The following DNAI1 variants were observed in gnomAD, a reference collection of about 807,000 sequenced individuals.
DNAI1 encodes dynein, axonemal, intermediate polypeptide 1.
In DNAI1, 67 loss-of-function variants were observed where a neutral mutation model predicts 92.0. The ratio of observed to expected loss-of-function variants is 0.73; its 90% CI spans 0.60 to 0.89. The LOEUF (loss-of-function observed/expected upper bound fraction) is 0.89, where lower values mean the gene tolerates loss of function less well. Ranked by LOEUF, DNAI1 falls within the 40% of genes least tolerant of loss-of-function variation. The pLI, the probability that DNAI1 is intolerant of heterozygous loss-of-function variation, is 0.00. For missense variants in DNAI1, 839 were observed against 866.6 expected, an observed-to-expected ratio of 0.97 and a Z score of 0.40; for synonymous variants, 323 against 319.6, an observed-to-expected ratio of 1.01 and a Z score of -0.11.
intron 4 of DNAI1, among the ~76,000 whole-genome samples, chr9:34,486,850 C>T (rs572401200): frequency 1.4e-4 from 21 of 152,218 alleles, no homozygotes; most frequent in Non-Finnish European, 2.5e-4. Flanking sequence ...CTATTCTGGA[C>T]GTTTCATATA....
chr9:34,501,987 A>G (rs377107501), intron 12 of DNAI1, among the ~76,000 whole-genome samples: 1 of 152,162 alleles, frequency 6.6e-6, no homozygotes, highest in East Asian at 1.9e-4. Flanking sequence ...AGAGGGCCCT[A>G]CACTTCACAG....
intron 1 of DNAI1, among the ~76,000 whole-genome samples, chr9:34,460,485 T>A (rs1823930844): frequency 6.6e-6 from 1 of 152,180 alleles, no homozygotes; most frequent in Non-Finnish European, 1.5e-5. Context: ...TACCTGGGCT[T>A]CTGTAGCAGA....
At chr9:34,467,660 G>GTA (rs148722582) in intron 1 of DNAI1, among the ~76,000 whole-genome samples, 25,062 of 151,740 alleles carry the variant, frequency 0.17, 2,529 homozygotes, top group East Asian at 0.37. Context: ...ATAAAATGCA[G>GTA]TATATATATA....
intron 1 of DNAI1, among the ~76,000 whole-genome samples, chr9:34,462,188 T>C (rs2132037760): frequency 1.3e-5 from 2 of 152,362 alleles, no homozygotes; most frequent in South Asian, 4.1e-4. Context: ...CTACCCATCC[T>C]ACTTCAAACC....
At chr9:34,459,118 A>T (rs1171372282) in intron 1 of DNAI1, 65 bp downstream of exon 1, 1 of 1,415,922 alleles carries the variant, frequency 7.1e-7, no homozygotes, top group African/African-American at 1.4e-5. Flanking sequence ...ACCACTAATC[A>T]TACCTCTCCT....
At chr9:34,459,107 G>A in intron 1 of DNAI1, 54 bp downstream of exon 1, 1 of 1,507,882 alleles carries the variant, frequency 6.6e-7, no homozygotes. Flanking sequence ...CGTCGCCAGT[G>A]ACCACTAATC....
chr9:34,501,370 ATG>A (rs1182946139), intron 12 of DNAI1, among the ~76,000 whole-genome samples, 189 bp downstream of exon 12: 2 of 152,262 alleles, frequency 1.3e-5, no homozygotes, highest in Non-Finnish European at 2.9e-5. Flanking sequence ...TCTAAGCTGA[ATG>A]TGTCAATGGA....
chr9:34,495,858 G>A (rs555244844), intron 9 of DNAI1, among the ~76,000 whole-genome samples: 40 of 152,274 alleles, frequency 2.6e-4, no homozygotes, highest in African/African-American at 6.3e-4. Flanking sequence ...AATAGAGAGC[G>A]TAGCTGGAAC....
intron 1 of DNAI1, among the ~76,000 whole-genome samples, chr9:34,477,298 T>G (rs1824257260): frequency 6.6e-6 from 1 of 152,202 alleles, no homozygotes; most frequent in Non-Finnish European, 1.5e-5. Flanking sequence ...TTTAGGAAGA[T>G]CATTTGTAGA....
At chr9:34,501,209 GCT>G in intron 12 of DNAI1, 28 bp downstream of exon 12, 3 of 1,588,714 alleles carry the variant, frequency 1.9e-6, no homozygotes, top group South Asian at 1.1e-5. Flanking sequence ...TCATTTATTT[GCT>G]CATGTAAACA....
chr9:34,511,714 A>G (rs748952515), intron 13 of DNAI1, among the ~76,000 whole-genome samples: 33 of 152,318 alleles, frequency 2.2e-4, no homozygotes, highest in Admixed American at 1.0e-3. Context: ...TAAACAGGAA[A>G]CTGGTTGATG....
At chr9:34,462,708 A>G (rs1355287866) in intron 1 of DNAI1, among the ~76,000 whole-genome samples, 1 of 152,234 alleles carries the variant, frequency 6.6e-6, no homozygotes, top group East Asian at 1.9e-4. Flanking sequence ...TTCCAGGTAC[A>G]TGTTTGTATC....
intron 1 of DNAI1, among the ~76,000 whole-genome samples, chr9:34,474,794 T>G (rs1292559375): frequency 6.6e-6 from 1 of 151,958 alleles, no homozygotes; most frequent in Non-Finnish European, 1.5e-5. Context: ...GTCTCGAACT[T>G]CTGACCTTGT....
chr9:34,513,745 C>T (rs1825117277), intron 16 of DNAI1, among the ~76,000 whole-genome samples: 1 of 152,174 alleles, frequency 6.6e-6, no homozygotes, highest in African/African-American at 2.4e-5. Context: ...TGAGGCCCAG[C>T]CAGAGCTGGT....
intron 8 of DNAI1, among the ~76,000 whole-genome samples, chr9:34,492,337 C>T (rs1824618620): frequency 1.3e-5 from 2 of 151,690 alleles, no homozygotes; most frequent in Non-Finnish European, 2.9e-5. Context: ...TCCTCTGCTA[C>T]TATCCTTGGG....
chr9:34,517,252 C>T (rs1193202459), intron 18 of DNAI1, 33 bp from the exon 19 acceptor site: 4 of 1,608,138 alleles, frequency 2.5e-6, no homozygotes, highest in East Asian at 2.2e-5. Flanking sequence ...GGCCTCATTA[C>T]CCCTGAGTGT....
chr9:34,474,111 GTTAT>G (rs1344247145), intron 1 of DNAI1, among the ~76,000 whole-genome samples: 2 of 151,776 alleles, frequency 1.3e-5, no homozygotes, highest in African/African-American at 4.8e-5. Flanking sequence ...TAATTATTTT[GTTAT>G]TTATTTACCT....
intron 15 of DNAI1, 84 bp from the exon 16 acceptor site, chr9:34,513,028 C>A: frequency 1.8e-6 from 2 of 1,100,848 alleles, no homozygotes; most frequent in Non-Finnish European, 2.8e-6. Context: ...AGTGCCTGGG[C>A]TGAGCTCCTC....
chr9:34,468,077 G>A (rs1214540669), intron 1 of DNAI1, among the ~76,000 whole-genome samples: 2 of 152,128 alleles, frequency 1.3e-5, no homozygotes, highest in Non-Finnish European at 2.9e-5. Flanking sequence ...AATGGAAACA[G>A]TAGAAAAATA....
Sources: gnomAD v4.1 joint callset for allele counts (sites outside exome capture counted in the v4.1 genomes callset) on GRCh38, gnomAD v4.1.1 for gene constraint, MANE v1.5 for transcripts, NCBI Gene and HGNC (gene_info 2026-07-23, HGNC 2026-07-21) for gene names.